Variants in KIF2A observed in about 807,000 individuals in gnomAD.
The protein encoded by KIF2A is kinesin-like protein KIF2A.
Under a neutral mutation model 100.2 loss-of-function variants are expected in KIF2A, and 22 were observed. The ratio of observed to expected loss-of-function variants is 0.22; its 90% CI spans 0.16 to 0.31. The LOEUF (loss-of-function observed/expected upper bound fraction) is 0.31. Ranked by LOEUF, KIF2A falls within the 10% of genes least tolerant of loss-of-function variation. The probability of loss-of-function intolerance (pLI) is 1.00; values close to 1 mark genes in which losing one functional copy is unlikely to be tolerated. For missense variants in KIF2A, 495 were observed against 898.7 expected (o/e 0.55, Z 5.74); for synonymous variants, 268 against 285.9 (o/e 0.94, Z 0.63).
At chr5:62,380,103 G>A (rs988945949) in intron 19 of KIF2A, among the ~76,000 whole-genome samples, 5 of 152,090 alleles carry the variant, frequency 3.3e-5, no homozygotes, top group Non-Finnish European at 5.9e-5. Context: ...ATGTTGGCCC[G>A]GCTGATCTTG....
chr5:62,366,937 A>G (rs963236195), intron 16 of KIF2A, among the ~76,000 whole-genome samples: 4 of 152,218 alleles, frequency 2.6e-5, no homozygotes, highest in Non-Finnish European at 5.9e-5. Context: ...ATGACAATAT[A>G]GAATCATTTT....
In KIF2A at chr5:62,307,628, C is replaced by CT. The variant is rs34564670; in HGVS notation, c.64+1107dup. Among the ~76,000 whole-genome samples the CT allele has an allele frequency of 8.0e-3, 1,123 of 140,444 alleles. 19 individuals carry two copies. The highest frequency in any genetic ancestry group is 0.025 in the African/African-American group (950 of 38,282). 92.1% of individuals were successfully genotyped at this position (140,444 alleles called of 152,430 possible). ...CTGACTCCATCTCTCATACCGATTC[C>CT]TTTTTTTTTTTTTTTGAGACGGATT... On this transcript the variant is annotated intron_variant, in intron 1 of 20. Coordinates refer to ENST00000407818, the MANE Select transcript of KIF2A (RefSeq NM_001098511.3).
chr5:62,355,222 T>C lies in KIF2A; in HGVS notation c.622T>C (p.Leu208=). ...MCMIRDFRGS[L]DYRPLTTADP... is the part of the protein sequence containing the mutation. ...TATGATCAGAGACTTTAGAGGAAGTTTGGATTATAGACCATTAACAACAGC... is the reference window on the plus strand; with the variant it reads ...TATGATCAGAGACTTTAGAGGAAGTCTGGATTATAGACCATTAACAACAGC... Residue 208 remains leucine (L), a synonymous_variant, in exon 7 of 21, where the codon TTG becomes CTG. Coordinates refer to ENST00000407818, the MANE Select transcript of KIF2A (RefSeq NM_001098511.3). 6.3e-7 allele frequency: 1 copy of C among 1,599,246 alleles called. No homozygotes were observed. The highest frequency in any genetic ancestry group is 8.6e-7 in the Non-Finnish European group (1 of 1,167,532).
chr5:62,375,229 T>C (rs1561280636), intron 18 of KIF2A, among the ~76,000 whole-genome samples: 2 of 152,168 alleles, frequency 1.3e-5, no homozygotes, highest in African/African-American at 4.8e-5. Context: ...TTTCTGTGTG[T>C]GAGATGTAAA....
chr5:62,365,538 C>A (rs780018115), intron 15 of KIF2A, among the ~76,000 whole-genome samples, 185 bp downstream of exon 15: 1 of 152,112 alleles, frequency 6.6e-6, no homozygotes, highest in Non-Finnish European at 1.5e-5. Context: ...TTATATAATT[C>A]CAGCATCTAG....
chr5:62,308,629 T>C lies in KIF2A; in HGVS notation c.64+2093T>C, dbSNP rs4441833. On this transcript the variant is annotated intron_variant, in intron 1 of 20. Coordinates refer to ENST00000407818, the MANE Select transcript of KIF2A (RefSeq NM_001098511.3). ...GGAGATCCTACTGTTTACCACAACA[T>C]AGATGGACCTGAAGGACGTTATGTT... 384,083 of 692,250 alleles carry C rather than the reference T, an allele frequency of 0.55. 109,451 individuals are homozygous for C. Among genetic ancestry groups the C allele is most frequent in the South Asian group, 0.65 (43,004 of 66,572 alleles). The allele number at this position is 692,250 out of a possible 1,614,324, so 42.9% of individuals were successfully genotyped here.
intron 16 of KIF2A, among the ~76,000 whole-genome samples, chr5:62,372,190 T>C (rs1309564598): frequency 6.6e-6 from 1 of 152,110 alleles, no homozygotes; most frequent in Non-Finnish European, 1.5e-5. Flanking sequence ...CTAGGAAGGA[T>C]TATGAGAAAA....
At chr5:62,333,154 G>A (rs1580026249) in intron 1 of KIF2A, among the ~76,000 whole-genome samples, 1 of 152,180 alleles carries the variant, frequency 6.6e-6, no homozygotes, top group East Asian at 1.9e-4. Flanking sequence ...TGCGAATTGA[G>A]TTTTGTCACA....
Position 62,376,402 on chromosome 5 carries a change from TTTTTTTTG to T in KIF2A, c.1912-1255_1912-1248del, listed in dbSNP as rs1741546519. On this transcript the variant is annotated intron_variant, in intron 18 of 20. Transcript: ENST00000407818. The stretch of plus-strand genomic sequence containing the variant: ...AGACACGCTCTAGAGATCGGAGAAG[TTTTTTTTG>T]TTTGTTTGTTTGTTTGTTTGTTTTT... Among the ~76,000 whole-genome samples the T allele has an allele frequency of 1.2e-4, 16 of 138,340 alleles. 2 individuals are homozygous for T. In the South Asian group the frequency reaches 3.6e-3, roughly 31 times the overall value. The allele number at this position is 138,340 out of a possible 152,430, so 90.8% of individuals were successfully genotyped here. A position where few individuals can be genotyped will look rare whatever the true frequency, so the allele number is the denominator to read the frequency against.
intron 1 of KIF2A, among the ~76,000 whole-genome samples, chr5:62,325,785 G>A (rs1746344456): frequency 6.6e-6 from 1 of 152,148 alleles, no homozygotes; most frequent in Non-Finnish European, 1.5e-5. Context: ...CCACTACCGG[G>A]TATGTACACA....
At chr5:62,358,005 T>G in intron 8 of KIF2A, 132 bp from the exon 9 acceptor site, 1 of 738,048 alleles carries the variant, frequency 1.4e-6, no homozygotes, top group Non-Finnish European at 2.1e-6. Context: ...GAGTTGCATT[T>G]TTATGGGATA....
At chr5:62,321,168 C>T (rs1343882959) in intron 1 of KIF2A, among the ~76,000 whole-genome samples, 1 of 152,082 alleles carries the variant, frequency 6.6e-6, no homozygotes, top group Non-Finnish European at 1.5e-5. Flanking sequence ...ATCCATTAAT[C>T]GATAGACATT....
In KIF2A at chr5:62,389,875, G is replaced by A. The variant is rs919171072; in HGVS notation, c.*4306G>A. On this transcript the variant is annotated 3_prime_UTR_variant, in exon 21 of 21. Coordinates refer to ENST00000407818, the MANE Select transcript of KIF2A (RefSeq NM_001098511.3). ...AATTTAGTGAAAATGAAGAAAAAGA[G>A]AAAATATTTCTCTTTAGACCTGAGG... Among the ~76,000 whole-genome samples, 4 of 152,154 alleles carry A rather than the reference G, an allele frequency of 2.6e-5. No homozygotes were observed. Among genetic ancestry groups the A allele is most frequent in the South Asian group, 4.1e-4 (2 of 4,834 alleles).
intron 20 of KIF2A, among the ~76,000 whole-genome samples, chr5:62,382,880 G>C (rs1277325413): frequency 1.3e-5 from 2 of 149,868 alleles, no homozygotes; most frequent in Non-Finnish European, 3.0e-5. Context: ...ACCTGCCTCG[G>C]CCTCCCAAAG....
chr5:62,310,089 A>ATTT (rs1745489158), intron 1 of KIF2A, among the ~76,000 whole-genome samples: 1 of 73,224 alleles, frequency 1.4e-5, no homozygotes, highest in African/African-American at 6.4e-5. Context: ...TTTTTTTTTG[A>ATTT]GACAGAGTCT....
In KIF2A at chr5:62,389,072, T is replaced by C. The variant is rs1280829762; in HGVS notation, c.*3503T>C. ...AGCAATCTGAAAAAAGAAATCAAAA[T>C]GGAATGGTACTGAAAAGCTAATTTG... On this transcript the variant is annotated 3_prime_UTR_variant, in exon 21 of 21. Transcript: ENST00000407818. 6.2e-7 allele frequency: 1 copy of C among 1,608,604 alleles called. No individual in the cohort carries two copies. Among genetic ancestry groups the C allele is most frequent in the Non-Finnish European group, 8.5e-7 (1 of 1,176,806 alleles).
chr5:62,389,211 C>T lies in KIF2A; in HGVS notation c.*3642C>T, dbSNP rs878959195. 1.3e-5 allele frequency among the ~76,000 whole-genome samples: 2 copies of T among 151,872 alleles called. No individual in the cohort carries two copies. Among genetic ancestry groups the T allele is most frequent in the Non-Finnish European group, 2.9e-5 (2 of 68,030 alleles). Reference sequence around the variant, plus strand: ...TATTAAAGAAACGTTACTGGCTGGGCGCAGTGGCTTATGCCTGTAATCCCA... The same window carrying T: ...TATTAAAGAAACGTTACTGGCTGGGTGCAGTGGCTTATGCCTGTAATCCCA... On this transcript the variant is annotated 3_prime_UTR_variant, in exon 21 of 21. Coordinates refer to ENST00000407818, the MANE Select transcript of KIF2A (RefSeq NM_001098511.3).
At position 62,357,930 on chromosome 5, in the gene KIF2A, C is replaced by T. The variant is rs35008; in HGVS notation, c.709+185C>T. 0.25 allele frequency among the ~76,000 whole-genome samples: 37,461 copies of T among 152,020 alleles called. 4,711 individuals are homozygous for T. Among genetic ancestry groups the T allele is most frequent in the Middle Eastern group, 0.3 (89 of 294 alleles). ...TTATTGCTCTGAATCATTGCCATTC[C>T]GAGTCTTGCTTCACAGAAATCTTGA... On this transcript the variant is annotated intron_variant, in intron 8 of 20. Coordinates refer to ENST00000407818, the MANE Select transcript of KIF2A (RefSeq NM_001098511.3).
intron 12 of KIF2A, among the ~76,000 whole-genome samples, chr5:62,362,814 G>A (rs1748473255): frequency 1.3e-5 from 2 of 152,094 alleles, no homozygotes; most frequent in Admixed American, 1.3e-4. Context: ...AACTCTGGGT[G>A]ACTCATTTTT....
Sources: allele counts gnomAD v4.1 joint callset (sites outside exome capture counted in the v4.1 genomes callset), GRCh38; gene constraint gnomAD v4.1.1; transcripts MANE v1.5; gene names NCBI Gene and HGNC (gene_info 2026-07-23, HGNC 2026-07-21).